Variants in BBS7 observed in about 807,000 individuals in gnomAD.
BBS7 encodes Bardet-Biedl syndrome 7.
A neutral mutation model predicts 90.3 loss-of-function variants in BBS7; 50 were observed. That is an observed-to-expected ratio of 0.55 (90% CI 0.44 to 0.70). BBS7 has a LOEUF of 0.70. BBS7 is among the 30% of genes least tolerant of loss of function. The pLI, the probability that BBS7 is intolerant of heterozygous loss-of-function variation, is 0.00. For synonymous variants in BBS7, 235 were observed against 287.4 expected (o/e 0.82, Z 1.85); for missense variants, 729 against 838.9 (o/e 0.87, Z 1.62).
intron 1 of BBS7, among the ~76,000 whole-genome samples, chr4:121,869,495 G>T (rs1312516280): frequency 2.0e-5 from 3 of 152,170 alleles, no homozygotes; most frequent in African/African-American, 7.2e-5. Context: ...TGGTAGGTAT[G>T]CTAAATTCTT....
intron 8 of BBS7, among the ~76,000 whole-genome samples, chr4:121,849,777 C>G (rs948150007): frequency 3.3e-5 from 5 of 152,128 alleles, no homozygotes; most frequent in Non-Finnish European, 7.4e-5. Context: ...TTGCAGTGAG[C>G]TGAGATCGTC....
intron 18 of BBS7, 117 bp downstream of exon 18, chr4:121,828,029 C>T: frequency 6.5e-7 from 1 of 1,533,556 alleles, no homozygotes; most frequent in South Asian, 1.3e-5. Context: ...ATGACTGGTT[C>T]ATGAATCATG....
chr4:121,863,180 A>G, intron 3 of BBS7, 37 bp downstream of exon 3: 1 of 1,599,244 alleles, frequency 6.3e-7, no homozygotes, highest in Non-Finnish European at 8.6e-7. Flanking sequence ...ATTCTCTTTT[A>G]GAAAACCATT....
intron 5 of BBS7, among the ~76,000 whole-genome samples, chr4:121,857,099 G>C (rs1370769236): frequency 6.7e-6 from 1 of 149,416 alleles, no homozygotes; most frequent in Non-Finnish European, 1.5e-5. Flanking sequence ...TTTAGAAAAC[G>C]TAAGAAAGCC....
intron 14 of BBS7, 85 bp downstream of exon 14, chr4:121,835,059 C>A: frequency 7.2e-7 from 1 of 1,383,362 alleles, no homozygotes; most frequent in Non-Finnish European, 1.0e-6. Context: ...AAATTGCTAA[C>A]AGAATTTACA....
At chr4:121,859,933 T>C (rs559672242) in intron 4 of BBS7, among the ~76,000 whole-genome samples, 1 of 152,126 alleles carries the variant, frequency 6.6e-6, no homozygotes. Context: ...ACAAAAATTA[T>C]ATTTAAGTGT....
At chr4:121,847,261 G>A (rs1354842272) in intron 10 of BBS7, 143 bp downstream of exon 10, 2 of 629,522 alleles carry the variant, frequency 3.2e-6, no homozygotes, top group Admixed American at 5.8e-5. Flanking sequence ...TCTCGAAACT[G>A]TAAACTTCCA....
At chr4:121,864,008 G>A (rs1167010028) in intron 2 of BBS7, among the ~76,000 whole-genome samples, 5 of 152,272 alleles carry the variant, frequency 3.3e-5, no homozygotes, top group East Asian at 1.9e-4. Flanking sequence ...ACTGAGCTCC[G>A]CCTCCCGTCA....
intron 12 of BBS7, among the ~76,000 whole-genome samples, chr4:121,842,494 G>T (rs916866870): frequency 1.3e-5 from 2 of 151,160 alleles, no homozygotes; most frequent in African/African-American, 4.9e-5. Flanking sequence ...AATCAGCCAG[G>T]CATGGTGGCT....
intron 7 of BBS7, 77 bp from the exon 8 acceptor site, chr4:121,853,163 A>C: frequency 6.7e-7 from 1 of 1,490,846 alleles, no homozygotes; most frequent in Non-Finnish European, 9.3e-7. Context: ...AAGAATGAAA[A>C]AAACACACAT....
rs1262408995 is a variant in BBS7, at chr4:121,833,487, G to T, written c.1512-92C>A. 6 of 1,135,132 alleles carry T rather than the reference G, an allele frequency of 5.3e-6. No individual in the cohort carries two copies. In the East Asian group the frequency reaches 1.2e-4, roughly 22 times the overall value. 70.3% of individuals were successfully genotyped at this position (1,135,132 alleles called of 1,614,324 possible). ...TAATAAGCAGAATTTTGTAATAGTTGTTAAATATAAATGAAAACATTCAAT... is the reference window on the plus strand; with the variant it reads ...TAATAAGCAGAATTTTGTAATAGTTTTTAAATATAAATGAAAACATTCAAT... On this transcript the variant is annotated intron_variant, in intron 14 of 18. Coordinates refer to ENST00000264499, the MANE Select transcript of BBS7 (RefSeq NM_176824.3).
chr4:121,827,094 A>G (rs1724951437), intron 18 of BBS7, among the ~76,000 whole-genome samples: 1 of 152,238 alleles, frequency 6.6e-6, no homozygotes, highest in Non-Finnish European at 1.5e-5. Flanking sequence ...CTGTCAAATT[A>G]TTTATGAAAA....
chr4:121,866,929 T>C (rs992975249), intron 2 of BBS7, among the ~76,000 whole-genome samples: 4 of 152,192 alleles, frequency 2.6e-5, no homozygotes, highest in Non-Finnish European at 4.4e-5. Context: ...TGTGGTTCCA[T>C]ACAAATTTTA....
chr4:121,856,833 G>T (rs1726699755), intron 5 of BBS7, among the ~76,000 whole-genome samples: 1 of 149,934 alleles, frequency 6.7e-6, no homozygotes, highest in African/African-American at 2.5e-5. Flanking sequence ...GCAATGCTGT[G>T]ACCTCAGCTC....
chr4:121,829,713 T>C (rs1476761192), intron 15 of BBS7, among the ~76,000 whole-genome samples: 3 of 152,188 alleles, frequency 2.0e-5, no homozygotes, highest in Non-Finnish European at 4.4e-5. Context: ...TTAACAATGA[T>C]ACTCAATCCT....
At chr4:121,868,835 G>A (rs1164939462) in intron 1 of BBS7, among the ~76,000 whole-genome samples, 1 of 152,032 alleles carries the variant, frequency 6.6e-6, no homozygotes, top group East Asian at 1.9e-4. Context: ...CACTGCTGGT[G>A]TATAGTTAGG....
At chr4:121,866,829 T>C (rs1405895015) in intron 2 of BBS7, among the ~76,000 whole-genome samples, 1 of 152,224 alleles carries the variant, frequency 6.6e-6, no homozygotes, top group Non-Finnish European at 1.5e-5. Flanking sequence ...TTTTGGTTAC[T>C]ACAGCTTTGT....
chr4:121,849,816 G>A (rs940475159), intron 8 of BBS7, among the ~76,000 whole-genome samples: 4 of 152,062 alleles, frequency 2.6e-5, no homozygotes, highest in African/African-American at 9.7e-5. Flanking sequence ...GCGACAGAGC[G>A]AGACTGTCTA....
chr4:121,869,945 G>A (rs185948858), intron 1 of BBS7, among the ~76,000 whole-genome samples: 5 of 152,318 alleles, frequency 3.3e-5, no homozygotes, highest in Admixed American at 3.3e-4. Context: ...GGAGATTGAG[G>A]ATTAGAGGCC....
Sources: allele counts gnomAD v4.1 joint callset (sites outside exome capture counted in the v4.1 genomes callset), GRCh38; gene constraint gnomAD v4.1.1; transcripts MANE v1.5; gene names NCBI Gene and HGNC (gene_info 2026-07-23, HGNC 2026-07-21).